The following RACGAP1 variants were observed in gnomAD, a reference collection of about 807,000 sequenced individuals.
RACGAP1 encodes the protein rac GTPase-activating protein 1.
RACGAP1 carries 30 observed loss-of-function variants against 78.1 expected under a neutral mutation model. That is an observed-to-expected ratio of 0.38 (90% confidence interval 0.29 to 0.52). The LOEUF is 0.52. Ranked by LOEUF, RACGAP1 falls within the 20% of genes least tolerant of loss-of-function variation. The pLI is 0.82. For missense variants in RACGAP1, 587 were observed against 777.1 expected, an observed-to-expected ratio of 0.76 and a Z score of 2.91; for synonymous variants, 231 against 264.8, an observed-to-expected ratio of 0.87 and a Z score of 1.24.
intron 7 of RACGAP1, 53 bp downstream of exon 7, chr12:50,001,119 G>A (rs942865094): frequency 5.3e-5 from 73 of 1,381,444 alleles, no homozygotes; most frequent in Non-Finnish European, 7.3e-5. Context: ...ACTCAGAGAA[G>A]TTTTAATGCT....
chr12:50,021,263 G>T, intron 1 of RACGAP1: 1 of 301,534 alleles, frequency 3.3e-6, no homozygotes, highest in Non-Finnish European at 4.9e-6. Flanking sequence ...CCACAACAGA[G>T]ACTGCTGCCT....
intron 1 of RACGAP1, 89 bp downstream of exon 1, chr12:50,025,309 C>G: frequency 2.0e-6 from 2 of 985,688 alleles, no homozygotes; most frequent in South Asian, 9.4e-5. Context: ...CCCGGACCCC[C>G]GCGGCGGCCA....
upstream of RACGAP1, among the ~76,000 whole-genome samples, chr12:50,028,196 T>C (rs1037249258): frequency 3.3e-5 from 5 of 152,134 alleles, no homozygotes; most frequent in Non-Finnish European, 7.4e-5. Flanking sequence ...AGGGGACAGG[T>C]GGGAAAGATA....
Position 49,994,427 on chromosome 12 carries a change from C to T in RACGAP1, c.1127G>A (p.Arg376Lys). 1.2e-6 allele frequency: 2 copies of T among 1,614,052 alleles called. No homozygotes were observed. Among genetic ancestry groups the T allele is most frequent in the Non-Finnish European group, 1.7e-6 (2 of 1,180,016 alleles). Residue 376 changes from arginine to lysine, a missense_variant, in exon 11 of 17, where the codon AGA (arginine) becomes AAA (lysine). Transcript: ENST00000312377. ...GTTGACTCTTACCTCAGTCAGACCT[C>T]TTTGCTCAATCTCATTTACACAATG... is the stretch of plus-strand genomic sequence containing the variant. ...VVHCVNEIEQ[R>K]GLTETGLYRI...
chr12:50,009,084 C>T (rs540146569), intron 2 of RACGAP1, among the ~76,000 whole-genome samples: 1 of 151,914 alleles, frequency 6.6e-6, no homozygotes, highest in South Asian at 2.1e-4. Flanking sequence ...CAAGGCCAGC[C>T]TGGCCAACAT....
chr12:50,008,168 T>TAA (rs1949082202), intron 2 of RACGAP1, among the ~76,000 whole-genome samples: 1 of 56,296 alleles, frequency 1.8e-5, no homozygotes, highest in African/African-American at 1.1e-4. Context: ...GTGAGAAATG[T>TAA]GAAAAAAAAA....
At chr12:50,014,455 C>T (rs565512768) in intron 2 of RACGAP1, among the ~76,000 whole-genome samples, 2 of 152,172 alleles carry the variant, frequency 1.3e-5, no homozygotes, top group South Asian at 2.1e-4. Context: ...TTCACCCAGG[C>T]GGGAGTGCAG....
chr12:49,996,038 G>A (rs903871351), intron 10 of RACGAP1, among the ~76,000 whole-genome samples: 1 of 152,186 alleles, frequency 6.6e-6, no homozygotes, highest in African/African-American at 2.4e-5. Context: ...AAGGCTGGGT[G>A]CCATGGCTCA....
chr12:50,022,587 A>C (rs555225131), intron 1 of RACGAP1, among the ~76,000 whole-genome samples: 19 of 152,314 alleles, frequency 1.2e-4, no homozygotes, highest in African/African-American at 3.8e-4. Flanking sequence ...TGTCTCAAAA[A>C]AAAACAAAAC....
intron 8 of RACGAP1, 123 bp from the exon 9 acceptor site, chr12:49,999,394 G>A (rs2137339884): frequency 7.8e-7 from 1 of 1,279,312 alleles, no homozygotes; most frequent in Non-Finnish European, 1.1e-6. Flanking sequence ...GAGAACTAAT[G>A]GCTATGTAAA....
chr12:49,990,229 T>C lies in RACGAP1; in HGVS notation c.*39A>G, dbSNP rs1947738471. The C allele has an allele frequency of 2.6e-6, 4 of 1,535,586 alleles. No individual in the cohort carries two copies. In the South Asian group the frequency reaches 3.4e-5, roughly 13 times the overall value. Reference sequence around the variant, plus strand: ...CAGAGTACAGATGTGTCCTTTCTTATAGTCAGTCAATGCTGGGAAGTAACA... The same window carrying C: ...CAGAGTACAGATGTGTCCTTTCTTACAGTCAGTCAATGCTGGGAAGTAACA... On this transcript the variant is annotated 3_prime_UTR_variant, in exon 17 of 17. Coordinates refer to ENST00000312377, the MANE Select transcript of RACGAP1 (RefSeq NM_001319999.2).
intron 8 of RACGAP1, 52 bp downstream of exon 8, chr12:49,999,564 A>C (rs1445268980): frequency 1.5e-5 from 23 of 1,514,884 alleles, no homozygotes; most frequent in Non-Finnish European, 2.1e-5. Flanking sequence ...CAACTCTCCA[A>C]AATTTTGCTA....
intron 10 of RACGAP1, among the ~76,000 whole-genome samples, chr12:49,994,929 T>A (rs189647813): frequency 5.3e-5 from 8 of 152,336 alleles, no homozygotes; most frequent in African/African-American, 1.4e-4. Context: ...AAAAAAATTG[T>A]GTATACTTTC....
upstream of RACGAP1, among the ~76,000 whole-genome samples, chr12:50,033,382 A>G (rs1950352611): frequency 6.6e-6 from 1 of 152,018 alleles, no homozygotes; most frequent in African/African-American, 2.4e-5. Context: ...GCTGGGACTC[A>G]AGACTGTCAA....
chr12:50,023,482 C>T (rs1473866905), intron 1 of RACGAP1, among the ~76,000 whole-genome samples: 1 of 152,134 alleles, frequency 6.6e-6, no homozygotes, highest in Non-Finnish European at 1.5e-5. Context: ...GCCTCTAATC[C>T]CATCATTTTG....
chr12:50,026,048 T>C (rs12297013), upstream of RACGAP1, among the ~76,000 whole-genome samples: 9,321 of 152,236 alleles, frequency 0.061, 976 homozygotes, highest in African/African-American at 0.21. Context: ...AAAACAAAAA[T>C]AAATACAAAA....
At chr12:50,020,544 T>C (rs1330010550) in intron 1 of RACGAP1, among the ~76,000 whole-genome samples, 1 of 152,100 alleles carries the variant, frequency 6.6e-6, no homozygotes, top group African/African-American at 2.4e-5. Flanking sequence ...AAACCTTAAA[T>C]TAACCAATAA....
intron 1 of RACGAP1, among the ~76,000 whole-genome samples, chr12:50,018,964 C>T (rs1188236260): frequency 6.6e-6 from 1 of 152,084 alleles, no homozygotes; most frequent in East Asian, 1.9e-4. Flanking sequence ...GCCTCAGCCT[C>T]CTGACACTGT....
intron 10 of RACGAP1, among the ~76,000 whole-genome samples, chr12:49,996,668 A>AAAAAAAAAAAAAT (rs1948302735): frequency 2.3e-5 from 3 of 129,286 alleles, no homozygotes; most frequent in African/African-American, 1.1e-4. Flanking sequence ...AAAAAAAAAA[A>AAAAAAAAAAAAAT]TGGACACAAG....
Sources: allele counts gnomAD v4.1 joint callset (sites outside exome capture counted in the v4.1 genomes callset), GRCh38; gene constraint gnomAD v4.1.1; transcripts MANE v1.5; gene names NCBI Gene and HGNC (gene_info 2026-07-23, HGNC 2026-07-21).